Variants in CRAMP1 observed in about 807,000 individuals in gnomAD.
The protein encoded by CRAMP1 is protein cramped-like.
Under a neutral mutation model 115.4 loss-of-function variants are expected in CRAMP1, and 50 were observed. That is an observed-to-expected ratio of 0.43 (90% confidence interval 0.35 to 0.55). The LOEUF (loss-of-function observed/expected upper bound fraction) is 0.55, where lower values mean the gene tolerates loss of function less well. Among genes scored for constraint, CRAMP1 ranks in the 20% least tolerant of loss-of-function variants. The pLI is 0.01. For synonymous variants in CRAMP1, 866 were observed against 745.4 expected, an observed-to-expected ratio of 1.16 and a Z score of -2.64; for missense variants, 1,679 against 1,721.7, an observed-to-expected ratio of 0.98 and a Z score of 0.44.
intron 10 of CRAMP1, among the ~76,000 whole-genome samples, chr16:1,657,304 C>T (rs1014586270): frequency 6.6e-6 from 1 of 152,234 alleles, no homozygotes; most frequent in African/African-American, 2.4e-5. Context: ...CCTGGGTGCT[C>T]CCTTCTGTGT....
At chr16:1,617,370 G>C (rs1393832175) in intron 2 of CRAMP1, among the ~76,000 whole-genome samples, 2 of 152,184 alleles carry the variant, frequency 1.3e-5, no homozygotes, top group African/African-American at 4.8e-5. Flanking sequence ...CTGCTCAGTC[G>C]TTGCTTCCAT....
At chr16:1,643,613 G>A (rs9922608) in intron 6 of CRAMP1, among the ~76,000 whole-genome samples, 12,359 of 152,130 alleles carry the variant, frequency 0.081, 558 homozygotes, top group African/African-American at 0.11. Flanking sequence ...ATGGGCCTGG[G>A]CCATGTCTGT....
chr16:1,656,714 C>T lies in CRAMP1; in HGVS notation c.1957C>T (p.Gln653Ter), dbSNP rs1022281947. The T allele has an allele frequency of 6.4e-7, 1 of 1,554,146 alleles. No individual in the cohort carries two copies. Among genetic ancestry groups the T allele is most frequent in the Non-Finnish European group, 8.7e-7 (1 of 1,149,428 alleles). Residue 653 changes from glutamine to a stop codon, truncating the protein, a stop_gained, in exon 10 of 21, where the codon CAG (glutamine) becomes TAG (stop). Coordinates refer to ENST00000397412, the MANE Select transcript of CRAMP1 (RefSeq NM_020825.4). LOFTEE classifies it high-confidence loss of function. This position sits in a 1 kb window ranked among gnomAD's most constrained non-coding sequence, Gnocchi z 5.6. ...KGSPAGPPPS[Q>*]GQPAARPPKE... ...GAGCCCCGCGGGGCCTCCGCCGTCT[C>T]AGGGACAGCCTGCCGCCAGGCCCCC...
At position 1,672,432 on chromosome 16, in the gene CRAMP1, T is replaced by G; in HGVS notation, c.3646-1449T>G. 6.8e-6 allele frequency among the ~76,000 whole-genome samples: 1 copy of G among 147,072 alleles called. No individual in the cohort carries two copies. Among genetic ancestry groups the G allele is most frequent in the African/African-American group, 2.5e-5 (1 of 39,512 alleles). On this transcript the variant is annotated intron_variant, in intron 20 of 20. Coordinates refer to ENST00000397412, the MANE Select transcript of CRAMP1 (RefSeq NM_020825.4). The surrounding 1 kb of genome is among the most constrained non-coding windows in gnomAD (Gnocchi z 4.9). ...AAGGATGGGCTGAGGCATTTGTGGA[T>G]GAAAGGGTCTGGTGGTAGGGCTAGC...
intron 10 of CRAMP1, among the ~76,000 whole-genome samples, chr16:1,659,607 T>G (rs373440937): frequency 6.6e-6 from 1 of 152,144 alleles, no homozygotes. Context: ...CAGGATGGTC[T>G]CGATCTCCTG....
At chr16:1,648,553 C>T (rs193143291) in intron 6 of CRAMP1, among the ~76,000 whole-genome samples, 2 of 147,440 alleles carry the variant, frequency 1.4e-5, no homozygotes, top group East Asian at 2.1e-4. Flanking sequence ...TGCAGTGAGC[C>T]GAGATTGCAC....
chr16:1,629,250 C>T (rs1330392042), intron 3 of CRAMP1, among the ~76,000 whole-genome samples: 1 of 150,910 alleles, frequency 6.6e-6, no homozygotes, highest in African/African-American at 2.5e-5. Context: ...CAGTGTTCCC[C>T]TTCTCTGTCC....
At chr16:1,632,486 C>A in intron 4 of CRAMP1, 121 bp downstream of exon 4, 1 of 1,007,454 alleles carries the variant, frequency 9.9e-7, no homozygotes, top group Non-Finnish European at 1.4e-6. Context: ...AGCCGCTTGG[C>A]CTGGGGCTCC....
chr16:1,656,399 C>G lies in CRAMP1; in HGVS notation c.1642C>G (p.Leu548Val), dbSNP rs752981865. ...GGCCTTGCCGTGTGCCTGTGGCCAG[C>G]TCCCAGACCTGGAGGACGAGCTCTC... ...PGALPCACGQ[L>V]PDLEDELSLL... The change falls in exon 10 of 21, where the codon CTC becomes GTC. Residue 548 changes from leucine (L) to valine (V), a missense_variant. By Grantham distance (32) the Leu-to-Val change is conservative. Transcript: ENST00000397412. This position sits in a 1 kb window ranked among gnomAD's most constrained non-coding sequence, Gnocchi z 5.6. 6.9e-6 allele frequency: 11 copies of G among 1,592,522 alleles called. No individual in the cohort carries two copies. The highest frequency in any genetic ancestry group is 9.4e-6 in the Non-Finnish European group (11 of 1,169,688).
In CRAMP1 at chr16:1,638,070, A is replaced by G. The variant is rs1219924353; in HGVS notation, c.778+163A>G. On this transcript the variant is annotated intron_variant, in intron 5 of 20. Coordinates refer to ENST00000397412, the MANE Select transcript of CRAMP1 (RefSeq NM_020825.4). ...ATGGCGGCCGTGCTCTTTAGCTTAG[A>G]TGGACCTGTTGCTGACGTTGGCTAC... Among the ~76,000 whole-genome samples the G allele has an allele frequency of 2.0e-5, 3 of 152,180 alleles. 1 individual carries two copies. The highest frequency in any genetic ancestry group is 4.1e-4 in the South Asian group (2 of 4,828).
chr16:1,619,021 T>C (rs909349171), intron 2 of CRAMP1, among the ~76,000 whole-genome samples: 3 of 152,252 alleles, frequency 2.0e-5, no homozygotes, highest in Non-Finnish European at 4.4e-5. Context: ...AGGTAGACTT[T>C]TCGATTTTCA....
chr16:1,638,113 A>G (rs1350885670), intron 5 of CRAMP1, among the ~76,000 whole-genome samples: 1 of 152,154 alleles, frequency 6.6e-6, no homozygotes, highest in Non-Finnish European at 1.5e-5. Flanking sequence ...CTCTTTCTCC[A>G]TGCACATGCA....
chr16:1,637,336 A>G, intron 4 of CRAMP1, among the ~76,000 whole-genome samples: 1 of 150,358 alleles, frequency 6.7e-6, no homozygotes. Flanking sequence ...TTACTGAGGA[A>G]GGAGAATGGG....
chr16:1,618,438 G>C (rs1250186617), intron 2 of CRAMP1, among the ~76,000 whole-genome samples: 1 of 152,186 alleles, frequency 6.6e-6, no homozygotes, highest in African/African-American at 2.4e-5. Context: ...GAGCCTACCT[G>C]TGGGGTGAGT....
intron 13 of CRAMP1, among the ~76,000 whole-genome samples, chr16:1,663,440 T>C (rs1046570876): frequency 2.6e-5 from 4 of 152,242 alleles, no homozygotes; most frequent in African/African-American, 9.6e-5. Flanking sequence ...TATTTACAAA[T>C]GAGACATTGC....
rs1003480079 is a variant in CRAMP1 at position 1,646,915 on chromosome 16, T to G, written c.828-5581T>G. On this transcript the variant is annotated intron_variant, in intron 6 of 20. Coordinates refer to ENST00000397412, the MANE Select transcript of CRAMP1 (RefSeq NM_020825.4). ...TCTGAAAGGACTGTCTCTCCTCCAT[T>G]GAGTGGCCTTTGCATCCTTGTCAAA... is the stretch of plus-strand genomic sequence containing the variant. 3 of 623,210 alleles carry G rather than the reference T, an allele frequency of 4.8e-6. No individual in the cohort carries two copies. In the African/African-American group the frequency reaches 5.4e-5, roughly 11 times the overall value. The allele number at this position is 623,210 out of a possible 1,614,324, so 38.6% of individuals were successfully genotyped here. A position where few individuals can be genotyped will look rare whatever the true frequency, so the allele number is the denominator to read the frequency against.
At chr16:1,620,184 C>T (rs530305129) in intron 2 of CRAMP1, among the ~76,000 whole-genome samples, 79 of 152,274 alleles carry the variant, frequency 5.2e-4, no homozygotes, top group Non-Finnish European at 1.0e-3. Context: ...GCATCTGATG[C>T]GATGTCTTGT....
chr16:1,656,780 G>C lies in CRAMP1; in HGVS notation c.2023G>C (p.Glu675Gln). The C allele has an allele frequency of 6.5e-7, 1 of 1,548,034 alleles. No individual in the cohort carries two copies. The highest frequency in any genetic ancestry group is 8.7e-7 in the Non-Finnish European group (1 of 1,145,130). Residue 675 changes from glutamate (E) to glutamine (Q), a missense_variant, in exon 10 of 21, where the codon GAG becomes CAG. This residue lies in a region of CRAMP1 where 405 missense variants were observed against 302.6 expected (regional missense o/e 1.34). Coordinates refer to ENST00000397412, the MANE Select transcript of CRAMP1 (RefSeq NM_020825.4). This position sits in a 1 kb window ranked among gnomAD's most constrained non-coding sequence, Gnocchi z 5.6. ...PASRLAQQLR[E>Q]EGWNLQTSES... ...CAGCCGGCTGGCTCAGCAGCTCCGT[G>C]AGGAGGGCTGGAACCTGCAGACCTC...
intron 1 of CRAMP1, among the ~76,000 whole-genome samples, chr16:1,613,544 G>A (rs1434187881): frequency 6.6e-6 from 1 of 152,220 alleles, no homozygotes; most frequent in Non-Finnish European, 1.5e-5. Flanking sequence ...CCTCACACGT[G>A]CCCGTCCCGG....
Sources: gnomAD v4.1 joint callset for allele counts (sites outside exome capture counted in the v4.1 genomes callset) on GRCh38, gnomAD v4.1.1 for gene constraint, gnomAD v4.1.1 regional missense constraint, Gnocchi (gnomAD v3.1) non-coding constraint, MANE v1.5 for transcripts, NCBI Gene and HGNC (gene_info 2026-07-23, HGNC 2026-07-21) for gene names.